Variants in SGCD observed in about 807,000 individuals in gnomAD.
SGCD encodes delta-sarcoglycan.
SGCD carries 18 observed loss-of-function variants against 36.6 expected under a neutral mutation model. The observed-to-expected ratio is 0.49, with a 90% CI of 0.34 to 0.73. The LOEUF (loss-of-function observed/expected upper bound fraction) is 0.73. Among genes scored for constraint, SGCD ranks in the 30% least tolerant of loss-of-function variants. SGCD has a pLI of 0.01. For synonymous variants in SGCD, 133 were observed against 130.6 expected (o/e 1.02, Z -0.12); for missense variants, 387 against 346.7 (o/e 1.12, Z -0.92).
At chr5:156,271,873 T>C (rs967953694) in intron 3 of SGCD, among the ~76,000 whole-genome samples, 2 of 152,204 alleles carry the variant, frequency 1.3e-5, no homozygotes, top group African/African-American at 4.8e-5. Context: ...AACATTCTGA[T>C]AAATAAACTT....
At chr5:156,211,552 G>A (rs1490478726) in intron 3 of SGCD, among the ~76,000 whole-genome samples, 2 of 150,668 alleles carry the variant, frequency 1.3e-5, no homozygotes, top group Admixed American at 6.6e-5. Context: ...AGCCTGCAGT[G>A]AGCCGAGATC....
intron 4 of SGCD, among the ~76,000 whole-genome samples, chr5:156,553,173 A>AC (rs2113208017): frequency 6.6e-6 from 1 of 152,178 alleles, no homozygotes; most frequent in African/African-American, 2.4e-5. Flanking sequence ...GAAGTCACTC[A>AC]CCCCCAATGG....
At chr5:156,354,363 C>T (rs958345606) in intron 3 of SGCD, among the ~76,000 whole-genome samples, 1 of 151,804 alleles carries the variant, frequency 6.6e-6, no homozygotes, top group African/African-American at 2.4e-5. Flanking sequence ...GAGCTTAGGC[C>T]ACTGGAGGGG....
chr5:156,717,776 C>T (rs1199739412), intron 7 of SGCD, among the ~76,000 whole-genome samples: 1 of 152,102 alleles, frequency 6.6e-6, no homozygotes, highest in Non-Finnish European at 1.5e-5. Flanking sequence ...AAAAATTCCT[C>T]AAACTAGCCC....
chr5:156,185,850 T>TAGAGAGAGAG (rs201378824), intron 3 of SGCD, among the ~76,000 whole-genome samples: 110 of 49,148 alleles, frequency 2.2e-3, no homozygotes, highest in Middle Eastern at 0.01. Flanking sequence ...TATATATATA[T>TAGAGAGAGAG]AGAGAGAGAG....
chr5:155,786,177 G>A, the SGCD span, among the ~76,000 whole-genome samples: 1 of 152,170 alleles, frequency 6.6e-6, no homozygotes, highest in Non-Finnish European at 1.5e-5. Flanking sequence ...AGCTCATTCT[G>A]TTGCAAGTAA....
intron 4 of SGCD, among the ~76,000 whole-genome samples, chr5:156,534,992 T>G (rs1758040672): frequency 6.6e-6 from 1 of 152,192 alleles, no homozygotes; most frequent in Non-Finnish European, 1.5e-5. Flanking sequence ...ATTTATTAAT[T>G]CCAGTTGCAA....
chr5:156,462,417 A>G (rs75491463), intron 3 of SGCD, among the ~76,000 whole-genome samples: 1 of 152,324 alleles, frequency 6.6e-6, no homozygotes, highest in Non-Finnish European at 1.5e-5. Context: ...AACCAAAGAG[A>G]TATTTCTTAG....
intron 6 of SGCD, among the ~76,000 whole-genome samples, chr5:156,601,215 C>A (rs1307534198): frequency 6.6e-6 from 1 of 152,116 alleles, no homozygotes; most frequent in African/African-American, 2.4e-5. Context: ...CCTTCCTTAG[C>A]CCAATATCAT....
intron 3 of SGCD, among the ~76,000 whole-genome samples, chr5:156,180,930 C>T (rs1194998744): frequency 6.6e-6 from 1 of 152,300 alleles, no homozygotes; most frequent in South Asian, 2.1e-4. Context: ...GTGATGATGA[C>T]TCTGTCTCTT....
chr5:155,940,236 A>G (rs1182282382), intron 1 of SGCD, among the ~76,000 whole-genome samples: 1 of 152,186 alleles, frequency 6.6e-6, no homozygotes, highest in South Asian at 2.1e-4. Context: ...CTCTTAATGT[A>G]CAGATCCAGG....
intron 4 of SGCD, among the ~76,000 whole-genome samples, chr5:156,586,195 C>T (rs1035008201): frequency 1.3e-5 from 2 of 152,008 alleles, no homozygotes; most frequent in African/African-American, 4.8e-5. Flanking sequence ...GTTTTGATGA[C>T]CTCGACAGTT....
At chr5:155,773,538 C>G in the SGCD span, among the ~76,000 whole-genome samples, 1 of 152,050 alleles carries the variant, frequency 6.6e-6, no homozygotes, top group Non-Finnish European at 1.5e-5. Context: ...AGGCCTGGTA[C>G]TGAGTATGTA....
At chr5:156,617,031 G>T (rs1182039650) in intron 6 of SGCD, among the ~76,000 whole-genome samples, 1 of 152,094 alleles carries the variant, frequency 6.6e-6, no homozygotes, top group Admixed American at 6.6e-5. Context: ...TTCTTCTTCA[G>T]GCTAGTTATC....
intron 4 of SGCD, among the ~76,000 whole-genome samples, chr5:156,533,820 A>G (rs1757986094): frequency 6.6e-6 from 1 of 152,194 alleles, no homozygotes; most frequent in Non-Finnish European, 1.5e-5. Flanking sequence ...TTCTTCTTAT[A>G]AATAATAAGT....
At chr5:156,232,619 G>A (rs976255528) in intron 3 of SGCD, among the ~76,000 whole-genome samples, 5 of 152,126 alleles carry the variant, frequency 3.3e-5, no homozygotes, top group Non-Finnish European at 7.3e-5. Flanking sequence ...TGCATCATTA[G>A]GATTCTACTT....
In SGCD at chr5:156,665,150, C is replaced by A. The variant is rs558588029; in HGVS notation, c.575+17614C>A. ...TCAGCCGGCGGCCAGTATTGATAGG[C>A]TACTGGCGGTTGGGTCTTATTTTCT... is the stretch of plus-strand genomic sequence containing the variant. On this transcript the variant is annotated intron_variant, in intron 7 of 8. Coordinates refer to ENST00000337851, the MANE Select transcript of SGCD (RefSeq NM_000337.6). 6.0e-3 allele frequency among the ~76,000 whole-genome samples: 920 copies of A among 152,212 alleles called. 1 individual carries two copies. Among genetic ancestry groups the A allele is most frequent in the African/African-American group, 0.021 (870 of 41,410 alleles).
At chr5:155,814,213 C>T in the SGCD span, among the ~76,000 whole-genome samples, 1 of 152,218 alleles carries the variant, frequency 6.6e-6, no homozygotes, top group African/African-American at 2.4e-5. Context: ...TTGTTTCTAA[C>T]ATTACCTTGG....
At chr5:156,648,176 T>C (rs1763302806) in intron 7 of SGCD, among the ~76,000 whole-genome samples, 2 of 151,800 alleles carry the variant, frequency 1.3e-5, no homozygotes, top group South Asian at 4.1e-4. Context: ...CAAAATGTAT[T>C]TAAAATGGTA....
Sources: gnomAD v4.1 joint callset for allele counts (sites outside exome capture counted in the v4.1 genomes callset) on GRCh38, gnomAD v4.1.1 for gene constraint, MANE v1.5 for transcripts, NCBI Gene and HGNC (gene_info 2026-07-23, HGNC 2026-07-21) for gene names.